Variants in CRACD observed in about 807,000 individuals in gnomAD.
CRACD encodes capping protein inhibiting regulator of actin dynamics, also known as capping protein-inhibiting regulator of actin dynamics.
In CRACD, 56 loss-of-function variants were observed where a neutral mutation model predicts 106.8. The ratio of observed to expected loss-of-function variants is 0.52; its 90% CI spans 0.42 to 0.66. The LOEUF (loss-of-function observed/expected upper bound fraction) is 0.66. Ranked by LOEUF, CRACD falls within the 30% of genes least tolerant of loss-of-function variation. The probability of loss-of-function intolerance (pLI) is 0.00; values close to 1 mark genes in which losing one functional copy is unlikely to be tolerated. For missense variants in CRACD, 1,730 were observed against 1,623.2 expected (o/e 1.07, Z -1.13); for synonymous variants, 754 against 670.8 (o/e 1.12, Z -1.92).
chr4:56,278,379 A>G (rs1266436900), intron 3 of CRACD, among the ~76,000 whole-genome samples: 6 of 152,216 alleles, frequency 3.9e-5, no homozygotes, highest in South Asian at 2.1e-4. Flanking sequence ...TTGATTTTCA[A>G]TAAGAGTGCT....
chr4:56,117,812 C>G (rs978813819), intron 1 of CRACD, among the ~76,000 whole-genome samples: 5 of 152,148 alleles, frequency 3.3e-5, no homozygotes, highest in African/African-American at 1.2e-4. Flanking sequence ...GGCTGGAGTG[C>G]AGTGGTGTGA....
At chr4:56,193,838 G>T (rs972491882) in intron 2 of CRACD, among the ~76,000 whole-genome samples, 1 of 151,968 alleles carries the variant, frequency 6.6e-6, no homozygotes, top group African/African-American at 2.4e-5. Flanking sequence ...CAATACTGGA[G>T]CATCCTCTAT....
chr4:56,297,995 C>T (rs374270749), intron 3 of CRACD: 12 of 438,926 alleles, frequency 2.7e-5, no homozygotes, highest in African/African-American at 7.8e-5. Context: ...TGTGTTCTCA[C>T]GGTGAATGGC....
At chr4:56,062,350 C>G (rs1732305914) in intron 1 of CRACD, among the ~76,000 whole-genome samples, 1 of 152,070 alleles carries the variant, frequency 6.6e-6, no homozygotes, top group African/African-American at 2.4e-5. Flanking sequence ...CCAGGTCTAT[C>G]CTGAGGTCTT....
At chr4:56,262,468 C>A (rs1741760580) in intron 2 of CRACD, among the ~76,000 whole-genome samples, 1 of 152,158 alleles carries the variant, frequency 6.6e-6, no homozygotes, top group Non-Finnish European at 1.5e-5. Context: ...GTGCAGCCAG[C>A]CCCACACAAA....
At chr4:56,139,092 TTTTAAG>T (rs1735106360) in intron 1 of CRACD, among the ~76,000 whole-genome samples, 1 of 152,192 alleles carries the variant, frequency 6.6e-6, no homozygotes, top group Admixed American at 6.6e-5. Context: ...GAAAAGTTAT[TTTTAAG>T]TTTGTTTTCA....
rs115707054 is a variant in CRACD, at chr4:56,297,258, C to T, written c.-16-956C>T. Among the ~76,000 whole-genome samples, 717 of 152,204 alleles carry T rather than the reference C, an allele frequency of 4.7e-3. 5 individuals are homozygous for T. Among genetic ancestry groups the T allele is most frequent in the African/African-American group, 0.016 (664 of 41,530 alleles). ...CCTGGCTGTCTTTGTGCATTTCACA[C>T]GGCTTATACCTCATTGTCTGGTAGA... On this transcript the variant is annotated intron_variant, in intron 3 of 10. Coordinates refer to ENST00000682029, the MANE Select transcript of CRACD (RefSeq NM_001393381.1).
intron 1 of CRACD, among the ~76,000 whole-genome samples, chr4:56,129,322 C>T (rs763246373): frequency 2.0e-5 from 3 of 152,334 alleles, no homozygotes; most frequent in East Asian, 3.9e-4. Flanking sequence ...CTTGTCTCAG[C>T]CTCCCAAAGT....
At chr4:56,232,924 T>G (rs1739727839) in intron 2 of CRACD, among the ~76,000 whole-genome samples, 1 of 151,808 alleles carries the variant, frequency 6.6e-6, no homozygotes, top group Non-Finnish European at 1.5e-5. Flanking sequence ...AGACGGGGTT[T>G]CACCATATCG....
chr4:56,287,469 G>C (rs983278203), intron 3 of CRACD, among the ~76,000 whole-genome samples: 9 of 151,906 alleles, frequency 5.9e-5, no homozygotes, highest in Non-Finnish European at 1.2e-4. Flanking sequence ...TTTTAGTAGA[G>C]GGGGTTTCAC....
chr4:56,232,978 C>G (rs1739732933), intron 2 of CRACD, among the ~76,000 whole-genome samples: 1 of 152,060 alleles, frequency 6.6e-6, no homozygotes, highest in Non-Finnish European at 1.5e-5. Flanking sequence ...ACCCACCTGC[C>G]TCAGCATCCC....
intron 1 of CRACD, among the ~76,000 whole-genome samples, chr4:56,176,945 C>T (rs552381258): frequency 4.5e-4 from 68 of 152,262 alleles, no homozygotes; most frequent in Non-Finnish European, 9.4e-4. Context: ...TTTATCAGTT[C>T]TAACAGTTTT....
At chr4:56,248,806 A>G (rs1014415305) in intron 2 of CRACD, among the ~76,000 whole-genome samples, 3 of 136,774 alleles carry the variant, frequency 2.2e-5, no homozygotes, top group Non-Finnish European at 3.1e-5. Context: ...ATTCCCACCT[A>G]TGAGTGAGAA....
chr4:56,135,297 A>C (rs1023154558), intron 1 of CRACD, among the ~76,000 whole-genome samples: 6 of 152,214 alleles, frequency 3.9e-5, no homozygotes, highest in African/African-American at 1.2e-4. Flanking sequence ...AAAATAAACC[A>C]AAAAACAAGC....
At chr4:56,071,584 C>G (rs1732648899) in intron 1 of CRACD, among the ~76,000 whole-genome samples, 2 of 151,578 alleles carry the variant, frequency 1.3e-5, no homozygotes, top group South Asian at 4.2e-4. Flanking sequence ...TCAGCAGCTC[C>G]CTGCAACCTT....
intron 2 of CRACD, among the ~76,000 whole-genome samples, chr4:56,230,437 G>A (rs1247940030): frequency 2.0e-5 from 3 of 152,130 alleles, no homozygotes; most frequent in Non-Finnish European, 4.4e-5. Context: ...TGGTGGCCCC[G>A]GTGGAGGACA....
At chr4:56,071,589 A>G (rs1342314950) in intron 1 of CRACD, among the ~76,000 whole-genome samples, 3 of 150,924 alleles carry the variant, frequency 2.0e-5, no homozygotes, top group Non-Finnish European at 4.4e-5. Flanking sequence ...AGCTCCCTGC[A>G]ACCTTTGCTT....
chr4:56,077,830 T>C (rs1732894409), intron 1 of CRACD, among the ~76,000 whole-genome samples: 1 of 152,332 alleles, frequency 6.6e-6, no homozygotes, highest in Non-Finnish European at 1.5e-5. Context: ...ACAGCAGGGT[T>C]ACTGCTGCAA....
At chr4:56,151,700 G>T (rs1039334318) in intron 1 of CRACD, among the ~76,000 whole-genome samples, 1 of 151,924 alleles carries the variant, frequency 6.6e-6, no homozygotes, top group Admixed American at 6.6e-5. Context: ...GTATTTAGTT[G>T]CCATGTCTCT....
Sources: gnomAD v4.1 joint callset for allele counts (sites outside exome capture counted in the v4.1 genomes callset) on GRCh38, gnomAD v4.1.1 for gene constraint, MANE v1.5 for transcripts, NCBI Gene and HGNC (gene_info 2026-07-23, HGNC 2026-07-21) for gene names.